Variants in FHL5 observed in about 807,000 individuals in gnomAD.
FHL5 encodes four and a half LIM domains protein 5.
A neutral mutation model predicts 32.0 loss-of-function variants in FHL5; 33 were observed. The observed-to-expected ratio is 1.03, with a 90% confidence interval of 0.78 to 1.38. The LOEUF is 1.38. Among genes scored for constraint, FHL5 ranks in the 40% most tolerant of loss-of-function variants. FHL5 has a pLI of 0.00. For synonymous variants in FHL5, 114 were observed against 113.6 expected, an observed-to-expected ratio of 1.00 and a Z score of -0.02; for missense variants, 336 against 343.9, an observed-to-expected ratio of 0.98 and a Z score of 0.18.
At chr6:96,586,846 C>A (rs1770809642) in intron 1 of FHL5, among the ~76,000 whole-genome samples, 1 of 152,108 alleles carries the variant, frequency 6.6e-6, no homozygotes, top group Non-Finnish European at 1.5e-5. Context: ...AACGATTGCA[C>A]AGATCAGCTG....
intron 1 of FHL5, among the ~76,000 whole-genome samples, chr6:96,588,862 T>G (rs2127966102): frequency 6.7e-6 from 1 of 149,690 alleles, no homozygotes; most frequent in East Asian, 1.9e-4. Flanking sequence ...AAATAGTGTC[T>G]CTTAATGAGC....
At chr6:96,610,823 G>A (rs1771391451) in intron 5 of FHL5, 65 bp downstream of exon 5, 6 of 1,175,898 alleles carry the variant, frequency 5.1e-6, no homozygotes, top group Non-Finnish European at 7.2e-6. Flanking sequence ...ACACTATCTA[G>A]TTAATTTAGG....
At chr6:96,575,805 CAA>C (rs201091484) in intron 1 of FHL5, among the ~76,000 whole-genome samples, 2,648 of 152,162 alleles carry the variant, frequency 0.017, 44 homozygotes, top group Middle Eastern at 0.031. Context: ...GTTGAAATAC[CAA>C]GAGAGACTTT....
rs148496460 is a variant in FHL5, at chr6:96,610,671, A to C, written c.604A>C (p.Met202Leu). 1.8e-4 allele frequency: 284 copies of C among 1,613,140 alleles called. 1 individual carries two copies. The East Asian group carries it at 6.0e-3, about 34-fold the overall frequency. ...GAAAGATCTCTGTGAAGAACAGTTC[A>C]TGTCCAGAGACGACTATCCATTCTG... is the stretch of plus-strand genomic sequence containing the variant. ...CRKDLCEEQF[M>L]SRDDYPFCVD... The change falls in exon 5 of 6, where the codon ATG becomes CTG. Residue 202 changes from methionine to leucine, a missense_variant. Transcript: ENST00000450218.
At chr6:96,578,849 A>G (rs1770640940) in intron 1 of FHL5, among the ~76,000 whole-genome samples, 1 of 152,180 alleles carries the variant, frequency 6.6e-6, no homozygotes, top group South Asian at 2.1e-4. Flanking sequence ...CTCAAAAAAA[A>G]ATAAATAAAT....
At chr6:96,572,778 C>G (rs529972787) in intron 1 of FHL5, among the ~76,000 whole-genome samples, 1 of 152,320 alleles carries the variant, frequency 6.6e-6, no homozygotes, top group East Asian at 1.9e-4. Context: ...AGTCATCCTG[C>G]TTACCTCCTC....
At chr6:96,594,659 C>T (rs995667737) in intron 1 of FHL5, among the ~76,000 whole-genome samples, 3 of 151,890 alleles carry the variant, frequency 2.0e-5, no homozygotes, top group African/African-American at 7.2e-5. Flanking sequence ...TTTAACCACT[C>T]ATTTGGTTTG....
chr6:96,584,435 ATGTGTGTGTGTGTG>A lies in FHL5; in HGVS notation c.-12-19155_-12-19142del, dbSNP rs141920939. Among the ~76,000 whole-genome samples, 308 of 146,886 alleles carry A rather than the reference ATGTGTGTGTGTGTG, an allele frequency of 2.1e-3. 2 individuals are homozygous for A. The highest frequency in any genetic ancestry group is 4.8e-3 in the African/African-American group (193 of 39,928). ...GAAGTGGCTGAAGCACAGGTGGGAT[ATGTGTGTGTGTGTG>A]TGTGTGTGTGTTTGTGTGTGTGTGT... On this transcript the variant is annotated intron_variant, in intron 1 of 5. Transcript: ENST00000450218.
rs370694802 is a variant in FHL5 at position 96,603,372 on chromosome 6, A to AT, written c.-12-221dup. ...CATAATCTAGATGCAGGTTTTATGC[A>AT]TTTTTTTTTAGCAAAACATACAGGG... On this transcript the variant is annotated intron_variant, in intron 1 of 5. Transcript: ENST00000450218. Among the ~76,000 whole-genome samples, 288 of 150,978 alleles carry AT rather than the reference A, an allele frequency of 1.9e-3. 1 individual carries two copies. The highest frequency in any genetic ancestry group is 5.8e-3 in the African/African-American group (237 of 41,216).
In FHL5 at chr6:96,587,648, A is replaced by G. The variant is rs572339042; in HGVS notation, c.-12-15954A>G. Among the ~76,000 whole-genome samples the G allele has an allele frequency of 1.1e-4, 17 of 152,334 alleles. No homozygotes were observed. The South Asian group carries it at 2.9e-3, about 26-fold the overall frequency. ...GCTTAACAAAGAAAACATCCCCTTT[A>G]TATTTGAAACCCGTTGTGCAACATC... On this transcript the variant is annotated intron_variant, in intron 1 of 5. Coordinates refer to ENST00000450218, the MANE Select transcript of FHL5 (RefSeq NM_001322466.2).
Position 96,615,600 on chromosome 6 carries a change from C to A in FHL5, c.692-9C>A, listed in dbSNP as rs752552796. On this transcript the variant is annotated splice_polypyrimidine_tract_variant and intron_variant, in intron 5 of 5. Coordinates refer to ENST00000450218, the MANE Select transcript of FHL5 (RefSeq NM_001322466.2). ...GATAGATTAATCTTTTTCTCCAATT[C>A]CTTTACAGGTCTCACAGGTGCCAAG... 13 of 1,591,584 alleles carry A rather than the reference C, an allele frequency of 8.2e-6. 1 individual carries two copies. In the South Asian group the frequency reaches 1.5e-4, roughly 18 times the overall value.
intron 1 of FHL5, among the ~76,000 whole-genome samples, chr6:96,566,409 CTT>C (rs1374963568): frequency 6.6e-6 from 1 of 151,760 alleles, no homozygotes. Context: ...TTGATGGAAA[CTT>C]AGGTAATTTC....
chr6:96,613,449 GA>G (rs1771455362), intron 5 of FHL5, among the ~76,000 whole-genome samples: 1 of 152,220 alleles, frequency 6.6e-6, no homozygotes, highest in Non-Finnish European at 1.5e-5. Context: ...GCTCTGGACT[GA>G]GGAGCAAAAG....
At chr6:96,584,445 G>GTGTGTGTGTGTGTT (rs1408390800) in intron 1 of FHL5, among the ~76,000 whole-genome samples, 3 of 147,784 alleles carry the variant, frequency 2.0e-5, no homozygotes, top group African/African-American at 7.8e-5. Context: ...ATGTGTGTGT[G>GTGTGTGTGTGTGTT]TGTGTGTGTG....
chr6:96,573,487 C>G (rs1319362756), intron 1 of FHL5, among the ~76,000 whole-genome samples: 1 of 150,828 alleles, frequency 6.6e-6, no homozygotes, highest in Admixed American at 6.6e-5. Context: ...CATTTGTTCC[C>G]TTGAACATTT....
intron 1 of FHL5, among the ~76,000 whole-genome samples, chr6:96,599,690 G>T (rs1400695553): frequency 1.3e-5 from 2 of 152,044 alleles, no homozygotes; most frequent in African/African-American, 4.8e-5. Flanking sequence ...AAAATTCCGG[G>T]CTTAAATGTT....
At chr6:96,589,445 T>C (rs978202886) in intron 1 of FHL5, among the ~76,000 whole-genome samples, 10 of 152,112 alleles carry the variant, frequency 6.6e-5, no homozygotes, top group Non-Finnish European at 1.3e-4. Context: ...TGGTTGTTAA[T>C]GAAGTTGAGA....
At chr6:96,562,658 A>G (rs111416164), upstream of FHL5, 2 of 152,158 alleles carry the variant, frequency 1.3e-5, no homozygotes, top group Admixed American at 6.5e-5. Context: ...CAATTTCCCA[A>G]GAAGGGAGAG....
At chr6:96,609,425 A>G (rs922589426) in intron 4 of FHL5, among the ~76,000 whole-genome samples, 1 of 152,240 alleles carries the variant, frequency 6.6e-6, no homozygotes, top group Non-Finnish European at 1.5e-5. Flanking sequence ...GCTTAAAAAT[A>G]GTTACATGAG....
Sources: allele counts gnomAD v4.1 joint callset (sites outside exome capture counted in the v4.1 genomes callset), GRCh38; gene constraint gnomAD v4.1.1; transcripts MANE v1.5; gene names NCBI Gene and HGNC (gene_info 2026-07-23, HGNC 2026-07-21).